CNOT2: variants seen among roughly 807,000 people sequenced by gnomAD.
CNOT2 encodes the protein CCR4-NOT transcription complex subunit 2, also known as CC chemokine receptor 4-negative regulator of transcription 2.
A neutral mutation model predicts 72.1 loss-of-function variants in CNOT2; 7 were observed. The observed-to-expected ratio is 0.10, with a 90% CI of 0.06 to 0.18. The LOEUF (loss-of-function observed/expected upper bound fraction) is 0.18. CNOT2 is among the 10% of genes least tolerant of loss of function. The probability of loss-of-function intolerance (pLI) is 1.00; values close to 1 mark genes in which losing one functional copy is unlikely to be tolerated. For synonymous variants in CNOT2, 196 were observed against 225.6 expected (o/e 0.87, Z 1.17); for missense variants, 345 against 660.3 (o/e 0.52, Z 5.23).
At position 70,266,345 on chromosome 12, in the gene CNOT2, A is replaced by T. The variant is rs552724101; in HGVS notation, c.-95-11787A>T. On this transcript the variant is annotated intron_variant, in intron 1 of 15. Transcript: ENST00000229195. Reference sequence around the variant, plus strand: ...TCCATGTTGGTCAGACTTGCCTCAAACTCCTGACCTCAGGTGATCCGCCCA... The same window carrying T: ...TCCATGTTGGTCAGACTTGCCTCAATCTCCTGACCTCAGGTGATCCGCCCA... Among the ~76,000 whole-genome samples, 3 of 152,132 alleles carry T rather than the reference A, an allele frequency of 2.0e-5. No homozygotes were observed. In the East Asian group the frequency reaches 5.8e-4, roughly 29 times the overall value.
At chr12:70,292,063 A>G (rs540817338) in intron 2 of CNOT2, among the ~76,000 whole-genome samples, 1 of 152,350 alleles carries the variant, frequency 6.6e-6, no homozygotes, top group East Asian at 1.9e-4. Flanking sequence ...AGTACTCCAA[A>G]ACATTTCTTA....
At chr12:70,317,533 T>A (rs1034304582) in intron 3 of CNOT2, among the ~76,000 whole-genome samples, 8 of 151,838 alleles carry the variant, frequency 5.3e-5, no homozygotes, top group Non-Finnish European at 1.2e-4. Context: ...ATAGTTTAAT[T>A]GTATAGATAA....
chr12:70,254,548 TGAA>T (rs773775106), intron 1 of CNOT2, among the ~76,000 whole-genome samples: 5 of 152,258 alleles, frequency 3.3e-5, no homozygotes, highest in African/African-American at 9.6e-5. Context: ...TAACTGAAAC[TGAA>T]GAAGAAGAAA....
intron 2 of CNOT2, among the ~76,000 whole-genome samples, chr12:70,282,252 A>G (rs533569697): frequency 1.4e-4 from 21 of 152,296 alleles, no homozygotes; most frequent in Non-Finnish European, 2.5e-4. Context: ...ACTTTTCAGT[A>G]TGAGGTCATT....
chr12:70,271,784 GCTATTA>G (rs1300149564), intron 1 of CNOT2, among the ~76,000 whole-genome samples: 1 of 152,148 alleles, frequency 6.6e-6, no homozygotes, highest in Non-Finnish European at 1.5e-5. Flanking sequence ...TGGTGAGACA[GCTATTA>G]AAAAATTAGA....
chr12:70,337,532 T>C lies in CNOT2; in HGVS notation c.900+19T>C. 6.2e-7 allele frequency: 1 copy of C among 1,607,062 alleles called. No individual in the cohort carries two copies. The highest frequency in any genetic ancestry group is 8.5e-7 in the Non-Finnish European group (1 of 1,175,054). ...TAAATCTGTAAGTAACTGAGAAGTG[T>C]GTATGTGAGTGATGTAGTTTTTCCC... On this transcript the variant is annotated intron_variant, in intron 9 of 15. Coordinates refer to ENST00000229195, the MANE Select transcript of CNOT2 (RefSeq NM_014515.7).
At chr12:70,335,649 C>A in intron 8 of CNOT2, 86 bp downstream of exon 8, 1 of 984,482 alleles carries the variant, frequency 1.0e-6, no homozygotes, top group Non-Finnish European at 1.6e-6. Context: ...TATACATATG[C>A]TTGTGTGTGT....
At chr12:70,337,176 C>A in intron 8 of CNOT2, 2 of 379,194 alleles carry the variant, frequency 5.3e-6, no homozygotes, top group Non-Finnish European at 4.8e-6. Context: ...TGTTGATTTC[C>A]CTTGTATTAT....
At chr12:70,252,960 C>CT (rs1485469791) in intron 1 of CNOT2, among the ~76,000 whole-genome samples, 4 of 152,146 alleles carry the variant, frequency 2.6e-5, no homozygotes, top group African/African-American at 9.7e-5. Flanking sequence ...GCACTATACT[C>CT]TTTTTTGTAT....
At chr12:70,340,433 T>C (rs1881335210) in intron 11 of CNOT2, among the ~76,000 whole-genome samples, 1 of 152,158 alleles carries the variant, frequency 6.6e-6, no homozygotes, top group South Asian at 2.1e-4. Flanking sequence ...AAATACCATA[T>C]ATATTGAGGA....
At chr12:70,283,244 G>A (rs756558405) in intron 2 of CNOT2, among the ~76,000 whole-genome samples, 4 of 152,072 alleles carry the variant, frequency 2.6e-5, no homozygotes, top group Non-Finnish European at 5.9e-5. Context: ...AAGCATCTTA[G>A]AATCTATGAT....
chr12:70,292,607 A>G (rs1872113515), intron 2 of CNOT2, among the ~76,000 whole-genome samples: 1 of 152,190 alleles, frequency 6.6e-6, no homozygotes, highest in Non-Finnish European at 1.5e-5. Flanking sequence ...GCACATGAAG[A>G]GAAGGGGAGA....
chr12:70,290,360 A>G (rs1871674998), intron 2 of CNOT2, among the ~76,000 whole-genome samples: 2 of 152,014 alleles, frequency 1.3e-5, no homozygotes, highest in African/African-American at 2.4e-5. Context: ...CTTGTTTAGT[A>G]TCCCAGCCTA....
At chr12:70,309,714 C>G (rs1876118915) in intron 2 of CNOT2, among the ~76,000 whole-genome samples, 1 of 152,078 alleles carries the variant, frequency 6.6e-6, no homozygotes. Context: ...GTATTCAAGT[C>G]TTTAAAATCT....
At chr12:70,345,505 G>A (rs1882053051) in intron 14 of CNOT2, 1 of 152,076 alleles carries the variant, frequency 6.6e-6, no homozygotes, top group African/African-American at 2.4e-5. Context: ...ACGTTGGTAG[G>A]AAAGCATTTC....
intron 15 of CNOT2, among the ~76,000 whole-genome samples, chr12:70,353,545 A>G (rs899167927): frequency 2.9e-4 from 44 of 152,128 alleles, no homozygotes; most frequent in African/African-American, 1.0e-3. Context: ...TCTTTTTTTA[A>G]GTTAAAAACA....
chr12:70,299,281 G>A (rs1304497500), intron 2 of CNOT2, among the ~76,000 whole-genome samples: 1 of 151,906 alleles, frequency 6.6e-6, no homozygotes, highest in Non-Finnish European at 1.5e-5. Context: ...GTGCAGGTTT[G>A]TTACATATGT....
At chr12:70,341,646 G>C (rs1242101591) in intron 11 of CNOT2, among the ~76,000 whole-genome samples, 1 of 152,098 alleles carries the variant, frequency 6.6e-6, no homozygotes, top group Non-Finnish European at 1.5e-5. Context: ...TCCTAGAACA[G>C]TGCCAGGCAT....
At chr12:70,273,908 T>C (rs1332766840) in intron 1 of CNOT2, among the ~76,000 whole-genome samples, 2 of 152,124 alleles carry the variant, frequency 1.3e-5, no homozygotes, top group Non-Finnish European at 2.9e-5. Context: ...ACATACAACA[T>C]TGTTATAAAA....
Sources: gnomAD v4.1 joint callset for allele counts (sites outside exome capture counted in the v4.1 genomes callset) on GRCh38, gnomAD v4.1.1 for gene constraint, MANE v1.5 for transcripts, NCBI Gene and HGNC (gene_info 2026-07-23, HGNC 2026-07-21) for gene names.